SASS6: variants seen among roughly 807,000 people sequenced by gnomAD.
SASS6 encodes SAS-6 centriolar assembly protein.
A neutral mutation model predicts 94.9 loss-of-function variants in SASS6; 59 were observed. The ratio of observed to expected loss-of-function variants is 0.62; its 90% confidence interval spans 0.50 to 0.77. The LOEUF (loss-of-function observed/expected upper bound fraction) is 0.77, where lower values mean the gene tolerates loss of function less well. SASS6 is among the 30% of genes least tolerant of loss of function. The pLI, the probability that SASS6 is intolerant of heterozygous loss-of-function variation, is 0.00. For missense variants in SASS6, 698 were observed against 734.1 expected, an observed-to-expected ratio of 0.95 and a Z score of 0.57; for synonymous variants, 264 against 270.0, an observed-to-expected ratio of 0.98 and a Z score of 0.22.
intron 11 of SASS6, among the ~76,000 whole-genome samples, 175 bp downstream of exon 11, chr1:100,107,199 T>A (rs1652972053): frequency 6.6e-6 from 1 of 152,026 alleles, no homozygotes; most frequent in Admixed American, 6.6e-5. Flanking sequence ...GGTATCTGAA[T>A]CATGATAACT....
Position 100,107,388 on chromosome 1 carries a change from T to C in SASS6, c.1312A>G (p.Ile438Val), listed in dbSNP as rs1257592795. The stretch of plus-strand genomic sequence containing the variant: ...ATATTAACTACCTCTTGCTCTTTAA[T>C]TCGAAGAGACTGTCCAACATCTTGT... Reference protein sequence around the residue: ...ELQDVGQSLRIKEQEVCKLQE... With the variant: ...ELQDVGQSLRVKEQEVCKLQE... The change falls in exon 11 of 17, where the codon ATT (isoleucine) becomes GTT (valine). Residue 438 changes from isoleucine to valine, a missense_variant. Coordinates refer to ENST00000287482, the MANE Select transcript of SASS6 (RefSeq NM_194292.3). 5 of 1,592,896 alleles carry C rather than the reference T, an allele frequency of 3.1e-6. No individual in the cohort carries two copies. Among genetic ancestry groups the C allele is most frequent in the African/African-American group, 1.4e-5 (1 of 73,996 alleles).
chr1:100,088,028 G>C (rs111770751), intron 15 of SASS6, 111 bp downstream of exon 15: 5 of 544,794 alleles, frequency 9.2e-6, no homozygotes, highest in African/African-American at 3.8e-5. Flanking sequence ...TCAGTAACTT[G>C]AAATGTCTCA....
At chr1:100,130,050 A>C (rs757284503) in intron 1 of SASS6, among the ~76,000 whole-genome samples, 3 of 152,216 alleles carry the variant, frequency 2.0e-5, no homozygotes, top group Non-Finnish European at 4.4e-5. Flanking sequence ...TGAAGTAGGT[A>C]CTGTTATTAC....
rs1464742705 is a variant in SASS6, at chr1:100,118,835, TACATC to T, written c.669+178_669+182del. 2.0e-5 allele frequency among the ~76,000 whole-genome samples: 3 copies of T among 152,088 alleles called. No homozygotes were observed. In the East Asian group the frequency reaches 5.8e-4, roughly 29 times the overall value. On this transcript the variant is annotated intron_variant, in intron 7 of 16. Transcript: ENST00000287482. ...TACGTAGAGAAAAGTCTGAAAAAAA[TACATC>T]AAAATGTTTATAGATTATCTCTAGG...
At chr1:100,112,393 C>T (rs985131927) in intron 7 of SASS6, among the ~76,000 whole-genome samples, 16 of 152,082 alleles carry the variant, frequency 1.1e-4, no homozygotes, top group Admixed American at 7.2e-4. Flanking sequence ...GGTGATTCTA[C>T]GTGTTGCTAG....
intron 14 of SASS6, among the ~76,000 whole-genome samples, chr1:100,100,510 A>G (rs1426731893): frequency 1.3e-5 from 2 of 152,184 alleles, no homozygotes; most frequent in African/African-American, 4.8e-5. Context: ...AAAAGAGAAA[A>G]AACACGTAGT....
intron 7 of SASS6, among the ~76,000 whole-genome samples, chr1:100,111,994 T>C (rs1265760875): frequency 6.6e-6 from 1 of 152,068 alleles, no homozygotes; most frequent in Non-Finnish European, 1.5e-5. Context: ...AAAAAAAAAG[T>C]GTGAGAACTA....
rs560184001 is a variant in SASS6 at position 100,127,474 on chromosome 1, C to A, written c.66-1532G>T. ...AAAATGTGTCATTTTAGTTAAGTTT[C>A]TTGTTGAACATATGATTGGATGCTA... On this transcript the variant is annotated intron_variant, in intron 1 of 16. Coordinates refer to ENST00000287482, the MANE Select transcript of SASS6 (RefSeq NM_194292.3). Among the ~76,000 whole-genome samples, 289 of 60,780 alleles carry A rather than the reference C, an allele frequency of 4.8e-3. 1 individual carries two copies. The highest frequency in any genetic ancestry group is 0.026 in the Middle Eastern group (2 of 78). The allele number at this position is 60,780 out of a possible 152,430, so 39.9% of individuals were successfully genotyped here.
In SASS6 at chr1:100,085,516, A is replaced by G. The variant is rs1340027063; in HGVS notation, c.1867+20T>C. On this transcript the variant is annotated intron_variant, in intron 16 of 16. Coordinates refer to ENST00000287482, the MANE Select transcript of SASS6 (RefSeq NM_194292.3). ...TTTAATTCAACTATAAAGTACAAAA[A>G]TCCAGAAATCCCTGCTTACCTGAAT... The G allele has an allele frequency of 1.9e-6, 3 of 1,596,794 alleles. No individual in the cohort carries two copies. In the Admixed American group the frequency reaches 5.0e-5, roughly 27 times the overall value.
intron 11 of SASS6, 37 bp from the exon 12 acceptor site, chr1:100,107,030 A>C: frequency 1.1e-6 from 1 of 870,638 alleles, no homozygotes; most frequent in East Asian, 2.4e-5. Flanking sequence ...GTCAAGCAAA[A>C]TAAAGGTTAA....
chr1:100,087,786 C>T (rs184224576), intron 15 of SASS6, among the ~76,000 whole-genome samples: 5 of 151,894 alleles, frequency 3.3e-5, no homozygotes, highest in Admixed American at 2.0e-4. Flanking sequence ...TATAAGAAAA[C>T]AAAAACAGCT....
Position 100,107,005 on chromosome 1 carries a change from C to A in SASS6, c.1327-12G>T. On this transcript the variant is annotated splice_polypyrimidine_tract_variant and intron_variant, in intron 11 of 16. Coordinates refer to ENST00000287482, the MANE Select transcript of SASS6 (RefSeq NM_194292.3). ...TGTAATTTGCATACCTGAAATATAT[C>A]AATCATCACAATAAGTCAAGCAAAA... 1.9e-6 allele frequency: 2 copies of A among 1,073,218 alleles called. No homozygotes were observed. Among genetic ancestry groups the A allele is most frequent in the South Asian group, 1.3e-5 (1 of 75,916 alleles). 66.5% of individuals were successfully genotyped at this position (1,073,218 alleles called of 1,614,324 possible). A position where few individuals can be genotyped will look rare whatever the true frequency, so the allele number is the denominator to read the frequency against.
intron 7 of SASS6, among the ~76,000 whole-genome samples, chr1:100,116,572 A>T (rs181716347): frequency 5.7e-4 from 87 of 152,310 alleles, no homozygotes; most frequent in African/African-American, 2.0e-3. Context: ...CCACAAAAAG[A>T]TAAGTACAAG....
At chr1:100,118,844 A>G (rs1653967334) in intron 7 of SASS6, among the ~76,000 whole-genome samples, 174 bp downstream of exon 7, 1 of 152,116 alleles carries the variant, frequency 6.6e-6, no homozygotes, top group South Asian at 2.1e-4. Context: ...ATACATCAAA[A>G]TGTTTATAGA....
intron 15 of SASS6, among the ~76,000 whole-genome samples, chr1:100,087,806 GAATTTTT>G (rs1438457046): frequency 1.3e-5 from 2 of 151,932 alleles, no homozygotes; most frequent in African/African-American, 4.8e-5. Context: ...TGACCATGAG[GAATTTTT>G]AAAAATTTCT....
chr1:100,111,434 T>G (rs998305706), intron 7 of SASS6, among the ~76,000 whole-genome samples: 2 of 152,122 alleles, frequency 1.3e-5, no homozygotes, highest in Non-Finnish European at 2.9e-5. Context: ...GGTTACTCCA[T>G]AATTCATTTA....
intron 13 of SASS6, among the ~76,000 whole-genome samples, chr1:100,104,522 C>T (rs934747423): frequency 1.3e-5 from 2 of 152,002 alleles, no homozygotes; most frequent in Non-Finnish European, 2.9e-5. Context: ...TACAGTGGTG[C>T]GATCTTGGCT....
chr1:100,107,869 C>G lies in SASS6; in HGVS notation c.997G>C (p.Asp333His). ...KVAVLEQEIKDKDQLVLRTKE... is the reference protein window; with the variant it reads ...KVAVLEQEIKHKDQLVLRTKE... ...GTTCTTAAAACAAGCTGGTCCTTAT[C>G]CTTGATTTCCTGTTCTAAAACTGCC... is the stretch of plus-strand genomic sequence containing the variant. The change falls in exon 9 of 17, where the codon GAT becomes CAT. Residue 333 changes from aspartate (D) to histidine (H), a missense_variant. Coordinates refer to ENST00000287482, the MANE Select transcript of SASS6 (RefSeq NM_194292.3). 6.2e-7 allele frequency: 1 copy of G among 1,612,938 alleles called. No homozygotes were observed. Among genetic ancestry groups the G allele is most frequent in the South Asian group, 1.1e-5 (1 of 91,052 alleles).
intron 7 of SASS6, among the ~76,000 whole-genome samples, chr1:100,118,360 A>G (rs1366132284): frequency 6.6e-6 from 1 of 152,134 alleles, no homozygotes; most frequent in Non-Finnish European, 1.5e-5. Flanking sequence ...CAATGTCAAG[A>G]ATATGGGGAA....
Sources: gnomAD v4.1 joint callset for allele counts (sites outside exome capture counted in the v4.1 genomes callset) on GRCh38, gnomAD v4.1.1 for gene constraint, MANE v1.5 for transcripts, NCBI Gene and HGNC (gene_info 2026-07-23, HGNC 2026-07-21) for gene names.